RORA: variants seen among roughly 807,000 people sequenced by gnomAD.
The protein encoded by RORA is RAR related orphan receptor A, also known as nuclear receptor ROR-alpha.
Under a neutral mutation model 69.5 loss-of-function variants are expected in RORA, and 7 were observed. The observed-to-expected ratio is 0.10, with a 90% confidence interval of 0.06 to 0.19. RORA has a LOEUF of 0.19. Among genes scored for constraint, RORA ranks in the 10% least tolerant of loss-of-function variants. The pLI is 1.00. For synonymous variants in RORA, 261 were observed against 240.8 expected (o/e 1.08, Z -0.78); for missense variants, 457 against 663.0 (o/e 0.69, Z 3.41).
At chr15:60,790,316 G>A (rs1347298226) in intron 1 of RORA, among the ~76,000 whole-genome samples, 1 of 152,196 alleles carries the variant, frequency 6.6e-6, no homozygotes, top group Non-Finnish European at 1.5e-5. Flanking sequence ...CACAATCTTG[G>A]TGCAGGTTTT....
intron 1 of RORA, among the ~76,000 whole-genome samples, chr15:60,772,589 C>T (rs936593758): frequency 6.6e-6 from 1 of 152,138 alleles, no homozygotes; most frequent in African/African-American, 2.4e-5. Flanking sequence ...ATCTCATGCA[C>T]CAGGGCTTTC....
chr15:60,970,761 C>A (rs749137431), intron 1 of RORA, among the ~76,000 whole-genome samples: 1 of 152,132 alleles, frequency 6.6e-6, no homozygotes, highest in Non-Finnish European at 1.5e-5. Flanking sequence ...CAAACTAATA[C>A]GGTTGTGTAT....
At chr15:61,185,741 T>C (rs1036893606) in intron 1 of RORA, among the ~76,000 whole-genome samples, 1 of 152,176 alleles carries the variant, frequency 6.6e-6, no homozygotes, top group African/African-American at 2.4e-5. Context: ...TTCTAGAACA[T>C]CCCTATCTGC....
chr15:60,800,996 C>T (rs2072572429), intron 1 of RORA, among the ~76,000 whole-genome samples: 1 of 152,190 alleles, frequency 6.6e-6, no homozygotes, highest in African/African-American at 2.4e-5. Flanking sequence ...TGCTGCATGC[C>T]TATTAAAGTG....
chr15:60,879,586 T>C (rs1341918909), intron 1 of RORA, among the ~76,000 whole-genome samples: 1 of 152,218 alleles, frequency 6.6e-6, no homozygotes, highest in Admixed American at 6.5e-5. Flanking sequence ...ATTTGAAGCA[T>C]TTTTTCCTAA....
At chr15:60,731,375 T>C (rs1000975737) in intron 1 of RORA, among the ~76,000 whole-genome samples, 1 of 152,220 alleles carries the variant, frequency 6.6e-6, no homozygotes, top group African/African-American at 2.4e-5. Flanking sequence ...ATGCTTTCCT[T>C]TCCAGAAACC....
At chr15:60,980,747 C>A (rs1279247417) in intron 1 of RORA, among the ~76,000 whole-genome samples, 1 of 151,912 alleles carries the variant, frequency 6.6e-6, no homozygotes, top group Non-Finnish European at 1.5e-5. Context: ...TTTTTAATAA[C>A]TTTACTACTT....
intron 2 of RORA, among the ~76,000 whole-genome samples, chr15:60,570,705 T>G (rs370436917): frequency 2.0e-5 from 3 of 152,176 alleles, no homozygotes; most frequent in Non-Finnish European, 4.4e-5. Flanking sequence ...TAAATTTCCA[T>G]GAGCCTCATC....
chr15:60,611,089 G>A (rs1212451549), intron 2 of RORA, among the ~76,000 whole-genome samples: 1 of 152,174 alleles, frequency 6.6e-6, no homozygotes, highest in African/African-American at 2.4e-5. Flanking sequence ...TCTAAGTAGG[G>A]ACAAGTTAAA....
chr15:61,153,399 G>C (rs1204481079), intron 1 of RORA, among the ~76,000 whole-genome samples: 3 of 152,184 alleles, frequency 2.0e-5, no homozygotes, highest in Non-Finnish European at 4.4e-5. Context: ...TTATTACTAA[G>C]AAAGGACATG....
rs564499077 is a variant in RORA at position 60,655,802 on chromosome 15, C to T, written c.196+22855G>A. ...CAACAGGCCACACATATTCTGGGCA[C>T]AGGGACTGCAGACCATAGCAACGTA... On this transcript the variant is annotated intron_variant, in intron 2 of 10. Transcript: ENST00000335670. Among the ~76,000 whole-genome samples, 3 of 152,292 alleles carry T rather than the reference C, an allele frequency of 2.0e-5. No individual in the cohort carries two copies. The East Asian group carries it at 5.8e-4, about 29-fold the overall frequency.
At chr15:61,063,487 C>T (rs8040907) in intron 1 of RORA, among the ~76,000 whole-genome samples, 4,697 of 152,246 alleles carry the variant, frequency 0.031, 171 homozygotes, top group East Asian at 0.085. Context: ...CTTGACCTTG[C>T]AACTGTACAA....
chr15:60,511,352 A>C lies in RORA; in HGVS notation c.694T>G (p.Ser232Ala). The C allele has an allele frequency of 6.2e-7, 1 of 1,614,128 alleles. No homozygotes were observed. Among genetic ancestry groups the C allele is most frequent in the Non-Finnish European group, 8.5e-7 (1 of 1,180,014 alleles). Reference protein sequence around the residue: ...YLDIQPSPDQSGLDINGIKPE... With the variant: ...YLDIQPSPDQAGLDINGIKPE... ...TTGATTCCATTGATATCAAGACCTGACTGGTCTGGGGAAGGCTGTATGTCC... is the reference window on the plus strand; with the variant it reads ...TTGATTCCATTGATATCAAGACCTGCCTGGTCTGGGGAAGGCTGTATGTCC... Residue 232 changes from serine to alanine, a missense_variant, in exon 5 of 11, where the codon TCA becomes GCA. Physicochemically the swap from Ser to Ala is moderately conservative, Grantham distance 99. Coordinates refer to ENST00000335670, the MANE Select transcript of RORA (RefSeq NM_134261.3). The surrounding 1 kb of genome is among the most constrained non-coding windows in gnomAD (Gnocchi z 6.4).
At chr15:60,996,802 C>T (rs920853373) in intron 1 of RORA, among the ~76,000 whole-genome samples, 3 of 151,732 alleles carry the variant, frequency 2.0e-5, no homozygotes, top group Admixed American at 6.6e-5. Flanking sequence ...CGCAGCTACT[C>T]GGGAGGCTGA....
intron 1 of RORA, among the ~76,000 whole-genome samples, chr15:60,750,915 C>T (rs561145690): frequency 6.6e-6 from 1 of 152,148 alleles, no homozygotes; most frequent in African/African-American, 2.4e-5. Flanking sequence ...ATTCAAGCAC[C>T]TTAGTTCCAA....
chr15:61,010,622 T>C (rs1895057508), intron 1 of RORA, among the ~76,000 whole-genome samples: 2 of 152,198 alleles, frequency 1.3e-5, no homozygotes, highest in South Asian at 4.1e-4. Context: ...TAGCAGATTA[T>C]AGAAAACATG....
intron 1 of RORA, among the ~76,000 whole-genome samples, chr15:60,695,491 G>C (rs184529004): frequency 6.6e-6 from 1 of 150,790 alleles, no homozygotes; most frequent in East Asian, 2.0e-4. Flanking sequence ...ACCAGATCCT[G>C]TTACAGGATC....
At chr15:60,508,291 G>C (rs2065579916) in intron 5 of RORA, among the ~76,000 whole-genome samples, 1 of 152,176 alleles carries the variant, frequency 6.6e-6, no homozygotes, top group Non-Finnish European at 1.5e-5. Flanking sequence ...AACCATGACT[G>C]CTTCAGCAAT....
At chr15:60,862,318 C>A (rs1288709165) in intron 1 of RORA, among the ~76,000 whole-genome samples, 1 of 152,160 alleles carries the variant, frequency 6.6e-6, no homozygotes, top group African/African-American at 2.4e-5. Context: ...AATCTCAGAA[C>A]CGTTTATGTG....
Sources: allele counts gnomAD v4.1 joint callset (sites outside exome capture counted in the v4.1 genomes callset), GRCh38; gene constraint gnomAD v4.1.1; non-coding constraint Gnocchi (gnomAD v3.1); transcripts MANE v1.5; gene names NCBI Gene and HGNC (gene_info 2026-07-23, HGNC 2026-07-21).